TMEM131L: variants seen among roughly 807,000 people sequenced by gnomAD.
TMEM131L encodes the protein transmembrane protein 131-like.
TMEM131L carries 54 observed loss-of-function variants against 192.2 expected under a neutral mutation model. That is an observed-to-expected ratio of 0.28 (90% CI 0.23 to 0.35). TMEM131L has a LOEUF of 0.35. Among genes scored for constraint, TMEM131L ranks in the 10% least tolerant of loss-of-function variants. The pLI is 1.00. For synonymous variants in TMEM131L, 701 were observed against 704.9 expected (o/e 0.99, Z 0.09); for missense variants, 1,888 against 1,972.9 (o/e 0.96, Z 0.82).
intron 15 of TMEM131L, among the ~76,000 whole-genome samples, chr4:153,588,258 G>A (rs142590517): frequency 9.3e-4 from 131 of 140,300 alleles, no homozygotes; most frequent in African/African-American, 3.3e-3. Flanking sequence ...TGTACAAGCT[G>A]TTTCTTGTTT....
At chr4:153,500,467 A>G (rs1733522634) in intron 3 of TMEM131L, among the ~76,000 whole-genome samples, 1 of 152,172 alleles carries the variant, frequency 6.6e-6, no homozygotes, top group Non-Finnish European at 1.5e-5. Context: ...TGAGATCTGA[A>G]TGGTGCCCTA....
intron 7 of TMEM131L, among the ~76,000 whole-genome samples, chr4:153,569,684 C>T (rs1466146885): frequency 6.6e-6 from 1 of 152,186 alleles, no homozygotes; most frequent in Non-Finnish European, 1.5e-5. Flanking sequence ...ACCTAATCTC[C>T]CTGTGTCTCA....
chr4:153,613,202 G>C (rs1193425751), intron 26 of TMEM131L, among the ~76,000 whole-genome samples: 1 of 152,186 alleles, frequency 6.6e-6, no homozygotes, highest in Non-Finnish European at 1.5e-5. Context: ...ATCCAAGCAA[G>C]ATAGAAGTTC....
At chr4:153,468,163 A>G (rs1730901850) in intron 2 of TMEM131L, among the ~76,000 whole-genome samples, 1 of 152,226 alleles carries the variant, frequency 6.6e-6, no homozygotes, top group Non-Finnish European at 1.5e-5. Context: ...ATGTCTAGCT[A>G]TAACTTTACC....
At chr4:153,581,646 G>A (rs902978376) in intron 9 of TMEM131L, 86 bp downstream of exon 9, 13 of 910,022 alleles carry the variant, frequency 1.4e-5, no homozygotes, top group Non-Finnish European at 1.8e-5. Context: ...TTGTATCATA[G>A]CAAACCAAGA....
chr4:153,515,105 C>G (rs531703828), intron 3 of TMEM131L, among the ~76,000 whole-genome samples: 12 of 152,248 alleles, frequency 7.9e-5, no homozygotes, highest in Non-Finnish European at 1.5e-4. Flanking sequence ...AGCCACCGTG[C>G]TCAGCCTACT....
rs529185059 is a variant in TMEM131L at position 153,506,327 on chromosome 4, A to G, written c.239+32439A>G. 2.0e-5 allele frequency among the ~76,000 whole-genome samples: 3 copies of G among 152,352 alleles called. No homozygotes were observed. The South Asian group carries it at 6.2e-4, about 32-fold the overall frequency. On this transcript the variant is annotated intron_variant, in intron 3 of 34. Transcript: ENST00000409959. ...AATTTGACTGTCATCACATTTCTCA[A>G]AATGATGTACAAAGCAAGGTAACAA...
At chr4:153,545,669 GA>G (rs1364549156) in intron 3 of TMEM131L, among the ~76,000 whole-genome samples, 1 of 151,930 alleles carries the variant, frequency 6.6e-6, no homozygotes, top group Non-Finnish European at 1.5e-5. Context: ...AAAGATAAAA[GA>G]AAAAAGGCCA....
chr4:153,530,914 G>C (rs1188938644), intron 3 of TMEM131L, among the ~76,000 whole-genome samples: 5 of 152,174 alleles, frequency 3.3e-5, no homozygotes, highest in African/African-American at 1.2e-4. Flanking sequence ...CATAGAGCCT[G>C]CTCCCTTGAA....
At chr4:153,481,247 T>A (rs967701005) in intron 3 of TMEM131L, among the ~76,000 whole-genome samples, 34 of 152,170 alleles carry the variant, frequency 2.2e-4, no homozygotes, top group Admixed American at 1.3e-4. Context: ...GTTACTCCTC[T>A]GTTTGGAAAT....
At chr4:153,489,702 T>C (rs1223620789) in intron 3 of TMEM131L, among the ~76,000 whole-genome samples, 1 of 152,062 alleles carries the variant, frequency 6.6e-6, no homozygotes, top group Non-Finnish European at 1.5e-5. Context: ...GGTCTCAAAC[T>C]CCTGACCTCA....
intron 3 of TMEM131L, among the ~76,000 whole-genome samples, chr4:153,494,223 G>A (rs2149917474): frequency 6.6e-6 from 1 of 152,288 alleles, no homozygotes; most frequent in African/African-American, 2.4e-5. Context: ...GCATATCAAG[G>A]TGTGTGCGTG....
intron 17 of TMEM131L, 52 bp downstream of exon 17, chr4:153,591,246 G>T (rs778136652): frequency 2.4e-5 from 36 of 1,484,180 alleles, no homozygotes; most frequent in Non-Finnish European, 3.0e-5. Flanking sequence ...CCAGTGCTTG[G>T]GTTTTCAAAG....
rs1306132041 is a variant in TMEM131L, at chr4:153,506,731, TAC to T, written c.239+32844_239+32845del. ...GGTGGCACATGCTTGTAATCCCAGC[TAC>T]TCAGGAGGCTGAGGCAGGAGAATCG... is the stretch of plus-strand genomic sequence containing the variant. On this transcript the variant is annotated intron_variant, in intron 3 of 34. Coordinates refer to ENST00000409959, the MANE Select transcript of TMEM131L (RefSeq NM_001131007.2). Among the ~76,000 whole-genome samples the T allele has an allele frequency of 3.3e-5, 5 of 150,910 alleles. No homozygotes were observed. In the Admixed American group the frequency reaches 3.3e-4, roughly 10 times the overall value.
chr4:153,619,331 A>G (rs1310806877), intron 26 of TMEM131L, among the ~76,000 whole-genome samples: 1 of 152,256 alleles, frequency 6.6e-6, no homozygotes, highest in East Asian at 1.9e-4. Flanking sequence ...GACACAAAGG[A>G]ACAATACATG....
At chr4:153,521,108 C>A (rs914020763) in intron 3 of TMEM131L, among the ~76,000 whole-genome samples, 4 of 152,150 alleles carry the variant, frequency 2.6e-5, no homozygotes, top group African/African-American at 9.7e-5. Context: ...GAGCCACTTT[C>A]CGGCTCTGTG....
At chr4:153,573,649 C>G (rs779318899) in intron 7 of TMEM131L, among the ~76,000 whole-genome samples, 4 of 152,188 alleles carry the variant, frequency 2.6e-5, no homozygotes, top group Non-Finnish European at 4.4e-5. Context: ...ATCTTAGTCT[C>G]CCAATTGTTT....
intron 7 of TMEM131L, among the ~76,000 whole-genome samples, chr4:153,559,759 A>G (rs923584808): frequency 2.0e-5 from 3 of 152,076 alleles, no homozygotes; most frequent in Admixed American, 2.0e-4. Flanking sequence ...TTTCCAAAAA[A>G]TTCAAGTTGG....
intron 3 of TMEM131L, among the ~76,000 whole-genome samples, chr4:153,496,715 TTTTG>T (rs528120405): frequency 2.1e-4 from 32 of 151,592 alleles, no homozygotes; most frequent in Non-Finnish European, 4.0e-4. Flanking sequence ...GTCTGGCTAA[TTTTG>T]TTTATTTTTT....
Sources: allele counts gnomAD v4.1 joint callset (sites outside exome capture counted in the v4.1 genomes callset), GRCh38; gene constraint gnomAD v4.1.1; transcripts MANE v1.5; gene names NCBI Gene and HGNC (gene_info 2026-07-23, HGNC 2026-07-21).